Variants in CPEB2 observed in about 807,000 individuals in gnomAD.
CPEB2 encodes cytoplasmic polyadenylation element binding protein 2.
A neutral mutation model predicts 93.6 loss-of-function variants in CPEB2; 56 were observed. That is an observed-to-expected ratio of 0.60 (90% CI 0.48 to 0.75). CPEB2 has a LOEUF of 0.75. CPEB2 is among the 30% of genes least tolerant of loss of function. The probability of loss-of-function intolerance (pLI) is 0.00; values close to 1 mark genes in which losing one functional copy is unlikely to be tolerated. For synonymous variants in CPEB2, 764 were observed against 586.3 expected (o/e 1.30, Z -4.38); for missense variants, 1,579 against 1,395.1 (o/e 1.13, Z -2.10).
At chr4:15,058,154 T>C (rs1443991291) in intron 8 of CPEB2, among the ~76,000 whole-genome samples, 1 of 152,222 alleles carries the variant, frequency 6.6e-6, no homozygotes, top group African/African-American at 2.4e-5. Flanking sequence ...TTTCATAGAC[T>C]TTTGAGAATC....
Position 15,033,213 on chromosome 4 carries a change from T to C in CPEB2, c.2176+2T>C. ...CTGACAATCTGTTGATGTTAAATGG[T>C]AAGTTTTATAAAAACATTTTATGTT... On this transcript the variant is annotated splice_donor_variant, in intron 5 of 11. Transcript: ENST00000538197. LOFTEE classifies it high-confidence loss of function. 6.4e-7 allele frequency: 1 copy of C among 1,564,670 alleles called. No individual in the cohort carries two copies. The highest frequency in any genetic ancestry group is 1.1e-5 in the South Asian group (1 of 89,384).
At chr4:15,061,299 A>G (rs1000836303) in intron 10 of CPEB2, among the ~76,000 whole-genome samples, 63 of 152,166 alleles carry the variant, frequency 4.1e-4, no homozygotes, top group African/African-American at 1.4e-3. Flanking sequence ...AAGTTAGGGT[A>G]CTCTGACATT....
intron 3 of CPEB2, among the ~76,000 whole-genome samples, chr4:15,009,212 A>G (rs1319878223): frequency 6.6e-6 from 1 of 152,254 alleles, no homozygotes; most frequent in Non-Finnish European, 1.5e-5. Context: ...GTGTTATATG[A>G]ATGGAGCTAT....
In CPEB2 at chr4:15,033,203, T is replaced by C. The variant is rs1262962555; in HGVS notation, c.2168T>C (p.Met723Thr). The C allele has an allele frequency of 1.9e-6, 3 of 1,587,382 alleles. No individual in the cohort carries two copies. Among genetic ancestry groups the C allele is most frequent in the Admixed American group, 3.4e-5 (2 of 59,560 alleles). The change falls in exon 5 of 12, where the codon ATG becomes ACG. Residue 723 changes from methionine (M) to threonine (T), a missense_variant. Coordinates refer to ENST00000538197, the MANE Select transcript of CPEB2 (RefSeq NM_001177382.2). ...CATCCAGGAACTGACAATCTGTTGATGTTAAATGGTAAGTTTTATAAAAAC... is the reference window on the plus strand; with the variant it reads ...CATCCAGGAACTGACAATCTGTTGACGTTAAATGGTAAGTTTTATAAAAAC... Reference protein sequence around the residue: ...YPHPGTDNLLMLNARSYGRRR... With the variant: ...YPHPGTDNLLTLNARSYGRRR...
At position 15,007,459 on chromosome 4, in the gene CPEB2, C is replaced by T. The variant is rs139376622; in HGVS notation, c.1817C>T (p.Pro606Leu). Reference protein sequence around the residue: ...TMNQISPLKKPFSGNVIAPPK... With the variant: ...TMNQISPLKKLFSGNVIAPPK... ...AATCAGATATCTCCATTGAAGAAAC[C>T]GTTTTCTGGTAATGTCATAGCACCA... is the stretch of plus-strand genomic sequence containing the variant. Residue 606 changes from proline to leucine, a missense_variant, in exon 2 of 12, where the codon CCG becomes CTG. Physicochemically the swap from Pro to Leu is moderately conservative, Grantham distance 98. Around this residue, in one of 2 missense-constraint regions of CPEB2, gnomAD observed 1,411 missense variants for 1,056.0 expected, o/e 1.34. Coordinates refer to ENST00000538197, the MANE Select transcript of CPEB2 (RefSeq NM_001177382.2). 3.7e-6 allele frequency: 6 copies of T among 1,613,922 alleles called. No individual in the cohort carries two copies. The South Asian group carries it at 4.4e-5, about 12-fold the overall frequency.
At chr4:15,033,047 C>A in intron 4 of CPEB2, 114 bp from the exon 5 acceptor site, 1 of 662,680 alleles carries the variant, frequency 1.5e-6, no homozygotes, top group South Asian at 1.8e-5. Context: ...AAGAAATATA[C>A]TGTGCTCAAT....
At chr4:15,036,669 C>T (rs1018811375) in intron 5 of CPEB2, among the ~76,000 whole-genome samples, 7 of 152,156 alleles carry the variant, frequency 4.6e-5, no homozygotes, top group East Asian at 3.9e-4. Flanking sequence ...TAGTACGTAA[C>T]GTTTTTCAAG....
intron 9 of CPEB2, 138 bp from the exon 10 acceptor site, chr4:15,059,048 AT>A (rs1421716437): frequency 1.2e-5 from 6 of 521,180 alleles, no homozygotes; most frequent in African/African-American, 3.9e-5. Context: ...AACAAAAGTT[AT>A]AAAAATAATT....
chr4:15,013,414 GTAAA>G (rs1195067163), intron 3 of CPEB2, among the ~76,000 whole-genome samples: 2 of 151,952 alleles, frequency 1.3e-5, no homozygotes, highest in African/African-American at 4.8e-5. Context: ...AGTAATAAAT[GTAAA>G]TTACATTGCT....
intron 4 of CPEB2, among the ~76,000 whole-genome samples, chr4:15,025,832 A>G (rs1725391559): frequency 6.6e-6 from 1 of 151,924 alleles, no homozygotes; most frequent in Non-Finnish European, 1.5e-5. Flanking sequence ...TGTTTCAGTG[A>G]TTTCTGGTCT....
chr4:15,019,379 T>C (rs535779772), intron 4 of CPEB2, among the ~76,000 whole-genome samples: 29 of 152,056 alleles, frequency 1.9e-4, no homozygotes, highest in African/African-American at 6.0e-4. Context: ...ATGTTGTATA[T>C]TTTCTTTCTC....
Position 15,003,957 on chromosome 4 carries a change from C to A in CPEB2, c.1284C>A (p.Gly428=), listed in dbSNP as rs1722403078. The part of the protein sequence containing the change: ...QPPGSSATTP[G]GGSGGSLSAM... Reference sequence around the variant, plus strand: ...CCGGCTCGTCTGCCACCACCCCGGGCGGCGGCAGCGGCGGCTCGCTCAGCG... The same window carrying A: ...CCGGCTCGTCTGCCACCACCCCGGGAGGCGGCAGCGGCGGCTCGCTCAGCG... Residue 428 remains glycine (G), a synonymous_variant, in exon 1 of 12, where the codon GGC becomes GGA. Transcript: ENST00000538197. The A allele has an allele frequency of 7.7e-7, 1 of 1,296,334 alleles. No individual in the cohort carries two copies. Among genetic ancestry groups the A allele is most frequent in the Non-Finnish European group, 1.0e-6 (1 of 1,004,630 alleles). The allele number at this position is 1,296,334 out of a possible 1,614,324, so 80.3% of individuals were successfully genotyped here. A position where few individuals can be genotyped will look rare whatever the true frequency, so the allele number is the denominator to read the frequency against.
chr4:15,015,054 A>G (rs1227100770), intron 3 of CPEB2, among the ~76,000 whole-genome samples: 1 of 152,100 alleles, frequency 6.6e-6, no homozygotes, highest in African/African-American at 2.4e-5. Flanking sequence ...ACCAGAGCCT[A>G]GAGAGATTTA....
intron 4 of CPEB2, among the ~76,000 whole-genome samples, chr4:15,019,752 A>G (rs914788713): frequency 2.6e-5 from 4 of 152,142 alleles, no homozygotes; most frequent in African/African-American, 4.8e-5. Flanking sequence ...AAACTTTTAA[A>G]ATGAATTATT....
Position 15,052,584 on chromosome 4 carries a change from G to C in CPEB2, c.2371G>C (p.Asp791His). 1 of 1,493,824 alleles carries C rather than the reference G, an allele frequency of 6.7e-7. No homozygotes were observed. The highest frequency in any genetic ancestry group is 9.0e-7 in the Non-Finnish European group (1 of 1,107,596). 92.5% of individuals were successfully genotyped at this position (1,493,824 alleles called of 1,614,324 possible). A position where few individuals can be genotyped will look rare whatever the true frequency, so the allele number is the denominator to read the frequency against. The change falls in exon 7 of 12, where the codon GAT (aspartate) becomes CAT (histidine). Residue 791 changes from aspartate (D) to histidine (H), a missense_variant and splice_region_variant. This residue lies in a region of CPEB2 where 168 missense variants were observed against 339.1 expected (regional missense o/e 0.50). Coordinates refer to ENST00000538197, the MANE Select transcript of CPEB2 (RefSeq NM_001177382.2). ...TGGTCTTCCTCCAGATATTGATGAAGGTATTTATTAAGATATTTATTAACA... is the reference window on the plus strand; with the variant it reads ...TGGTCTTCCTCCAGATATTGATGAACGTATTTATTAAGATATTTATTAACA... ...VGGLPPDIDE[D>H]EITASFRRFG...
At position 15,062,330 on chromosome 4, in the gene CPEB2, G is replaced by A. The variant is rs111991542; in HGVS notation, c.2877+70G>A. ...CTGATCCAAAGCCTCATACCCTAAC[G>A]AGTTAATAATATAATTTGAACACTT... is the stretch of plus-strand genomic sequence containing the variant. On this transcript the variant is annotated intron_variant, in intron 11 of 11. Coordinates refer to ENST00000538197, the MANE Select transcript of CPEB2 (RefSeq NM_001177382.2). 433 of 1,077,328 alleles carry A rather than the reference G, an allele frequency of 4.0e-4. No homozygotes were observed. In the African/African-American group the frequency reaches 5.4e-3, roughly 13 times the overall value. The allele number at this position is 1,077,328 out of a possible 1,614,324, so 66.7% of individuals were successfully genotyped here. A position where few individuals can be genotyped will look rare whatever the true frequency, so the allele number is the denominator to read the frequency against.
At chr4:15,020,632 G>T (rs1051165959) in intron 4 of CPEB2, among the ~76,000 whole-genome samples, 1 of 152,090 alleles carries the variant, frequency 6.6e-6, no homozygotes, top group African/African-American at 2.4e-5. Context: ...GGTAGGAAGG[G>T]TCTAGTCTTG....
chr4:15,027,846 T>A (rs1312110511), intron 4 of CPEB2, among the ~76,000 whole-genome samples: 1 of 152,180 alleles, frequency 6.6e-6, no homozygotes, highest in Admixed American at 6.6e-5. Flanking sequence ...TTAACTCATT[T>A]AATTTGCATG....
intron 10 of CPEB2, among the ~76,000 whole-genome samples, chr4:15,061,840 T>TA (rs1164639400): frequency 6.8e-6 from 1 of 147,006 alleles, no homozygotes. Context: ...GGACAGAAGA[T>TA]AGAGTATATA....
Sources: gnomAD v4.1 joint callset for allele counts (sites outside exome capture counted in the v4.1 genomes callset) on GRCh38, gnomAD v4.1.1 for gene constraint, gnomAD v4.1.1 regional missense constraint, MANE v1.5 for transcripts, NCBI Gene and HGNC (gene_info 2026-07-23, HGNC 2026-07-21) for gene names.